Variants in SLC12A8 observed in about 807,000 individuals in gnomAD.
SLC12A8 encodes cation-chloride cotransporter 9.
Under a neutral mutation model 75.6 loss-of-function variants are expected in SLC12A8, and 69 were observed. That is an observed-to-expected ratio of 0.91 (90% CI 0.75 to 1.11). The LOEUF (loss-of-function observed/expected upper bound fraction) is 1.11, where lower values mean the gene tolerates loss of function less well. SLC12A8 is among the 50% of genes most tolerant of loss of function. SLC12A8 has a pLI of 0.00. For synonymous variants in SLC12A8, 365 were observed against 372.8 expected (o/e 0.98, Z 0.24); for missense variants, 877 against 896.7 (o/e 0.98, Z 0.28).
At position 125,112,340 on chromosome 3, in the gene SLC12A8, T is replaced by A. The variant is rs77095927; in HGVS notation, c.913-2005A>T. Among the ~76,000 whole-genome samples the A allele has an allele frequency of 1.9e-3, 291 of 152,324 alleles. 1 individual carries two copies. Among genetic ancestry groups the A allele is most frequent in the African/African-American group, 6.5e-3 (270 of 41,558 alleles). On this transcript the variant is annotated intron_variant, in intron 8 of 13. Coordinates refer to ENST00000469902, the MANE Select transcript of SLC12A8 (RefSeq NM_024628.6). Reference sequence around the variant, plus strand: ...TGTCCTGCCCACCCCACTCACCATTTTATTACTACAGGAAATCAATGTCAT... The same window carrying A: ...TGTCCTGCCCACCCCACTCACCATTATATTACTACAGGAAATCAATGTCAT...
At chr3:125,135,254 C>T (rs1187637377) in intron 6 of SLC12A8, among the ~76,000 whole-genome samples, 4 of 152,294 alleles carry the variant, frequency 2.6e-5, no homozygotes, top group South Asian at 2.1e-4. Context: ...AGGGAAGTTT[C>T]GATTCCAGGT....
intron 4 of SLC12A8, among the ~76,000 whole-genome samples, chr3:125,181,241 CAA>C (rs1209419092): frequency 2.0e-5 from 3 of 152,132 alleles, no homozygotes; most frequent in African/African-American, 7.2e-5. Flanking sequence ...TTCAAAAACT[CAA>C]GAGGCATAAC....
chr3:125,191,670 C>T (rs1001446911), intron 2 of SLC12A8, among the ~76,000 whole-genome samples: 36 of 152,312 alleles, frequency 2.4e-4, no homozygotes, highest in African/African-American at 7.0e-4. Context: ...ACAATGGGTG[C>T]GCCCAGGATC....
Position 125,083,647 on chromosome 3 carries a change from G to A in SLC12A8, c.*243C>T, listed in dbSNP as rs144134510. 786 of 380,306 alleles carry A rather than the reference G, an allele frequency of 2.1e-3. 11 individuals are homozygous for A. The East Asian group carries it at 0.036, about 17-fold the overall frequency. 23.6% of individuals were successfully genotyped at this position (380,306 alleles called of 1,614,324 possible). On this transcript the variant is annotated 3_prime_UTR_variant, in exon 14 of 14. Transcript: ENST00000469902. ...TGAGGCAGGAGAATTGCTTGAACTC[G>A]GGAAGCAGAGGTTGCAGTGAGCCAA...
At chr3:125,125,418 G>C (rs1043387599) in intron 6 of SLC12A8, among the ~76,000 whole-genome samples, 22 of 152,184 alleles carry the variant, frequency 1.4e-4, no homozygotes, top group African/African-American at 5.3e-4. Flanking sequence ...AATTAGCCAG[G>C]CATGGTGGCA....
chr3:125,099,342 T>C (rs1039979585), intron 10 of SLC12A8, among the ~76,000 whole-genome samples: 10 of 152,226 alleles, frequency 6.6e-5, no homozygotes, highest in Admixed American at 5.9e-4. Flanking sequence ...AACTCAGAAA[T>C]ATATATCAGA....
chr3:125,110,291 C>T lies in SLC12A8; in HGVS notation c.957G>A (p.Ser319=), dbSNP rs373589614. 58 of 1,613,848 alleles carry T rather than the reference C, an allele frequency of 3.6e-5. No homozygotes were observed. The highest frequency in any genetic ancestry group is 3.3e-4 in the Middle Eastern group (2 of 6,080). ...GTCCTCCCATGCAGGAAGCCAGGGA[C>T]GAGATGTATAAGCCCAAAAGGAACA... is the stretch of plus-strand genomic sequence containing the variant. ...GFLFLLGLYI[S]SLASCMGGLY... The change falls in exon 9 of 14, where the codon TCG becomes TCA. Residue 319 remains serine (S), a synonymous_variant. Transcript: ENST00000469902.
chr3:125,203,061 C>G (rs1220488030), intron 2 of SLC12A8, among the ~76,000 whole-genome samples: 1 of 132,678 alleles, frequency 7.5e-6, no homozygotes, highest in Non-Finnish European at 1.5e-5. Context: ...GCACTCTAGC[C>G]TGGGGGACAA....
At chr3:125,141,546 C>G (rs934553109) in intron 5 of SLC12A8, among the ~76,000 whole-genome samples, 2 of 152,232 alleles carry the variant, frequency 1.3e-5, no homozygotes, top group Non-Finnish European at 2.9e-5. Context: ...ATCCCCTCCC[C>G]CTACGCCGCT....
At chr3:125,181,443 T>C (rs1366890486) in intron 4 of SLC12A8, among the ~76,000 whole-genome samples, 1 of 145,112 alleles carries the variant, frequency 6.9e-6, no homozygotes, top group Non-Finnish European at 1.5e-5. Flanking sequence ...CTACTAAAAA[T>C]ACAAAAAATT....
intron 12 of SLC12A8, among the ~76,000 whole-genome samples, chr3:125,090,446 T>C (rs1307576500): frequency 2.6e-5 from 4 of 152,240 alleles, no homozygotes; most frequent in Non-Finnish European, 5.9e-5. Flanking sequence ...GGTTTGTTGA[T>C]AGTGTTATTC....
chr3:125,174,017 G>A (rs182262620), intron 5 of SLC12A8, among the ~76,000 whole-genome samples: 14 of 152,264 alleles, frequency 9.2e-5, no homozygotes, highest in African/African-American at 2.6e-4. Flanking sequence ...GCTTAAACCC[G>A]GGAGGCAGAG....
At position 125,120,599 on chromosome 3, in the gene SLC12A8, G is replaced by C; in HGVS notation, c.824C>G (p.Ser275Trp). 4 of 1,611,580 alleles carry C rather than the reference G, an allele frequency of 2.5e-6. No individual in the cohort carries two copies. The highest frequency in any genetic ancestry group is 2.5e-6 in the Non-Finnish European group (3 of 1,178,164). ...ACTGATTGCCATGAGGGGAACTTAC[G>C]AGATGCCAACAGCTGCCAGGGAGCC... ...PLGSLAAVGI[S>W]WFLYIIFVFL... Residue 275 changes from serine to tryptophan, a missense_variant and splice_region_variant, in exon 7 of 14, where the codon TCG (serine) becomes TGG (tryptophan). Physicochemically the swap from Ser to Trp is radical, Grantham distance 177 (BLOSUM62 -3). Coordinates refer to ENST00000469902, the MANE Select transcript of SLC12A8 (RefSeq NM_024628.6).
chr3:125,153,537 C>T (rs1427963406), intron 5 of SLC12A8, among the ~76,000 whole-genome samples: 1 of 152,228 alleles, frequency 6.6e-6, no homozygotes. Context: ...CTGGGAAGTA[C>T]AAGACAAATA....
intron 10 of SLC12A8, 82 bp downstream of exon 10, chr3:125,107,399 C>G (rs1939053992): frequency 1.5e-6 from 2 of 1,290,470 alleles, no homozygotes; most frequent in East Asian, 4.7e-5. Context: ...CCAGTTATAA[C>G]TGGTTCACAA....
At chr3:125,120,759 C>T (rs267599589) in intron 6 of SLC12A8, 73 bp from the exon 7 acceptor site, 1 of 1,151,152 alleles carries the variant, frequency 8.7e-7, no homozygotes. Flanking sequence ...GCTGCCCCTT[C>T]CTCTCCTGCG....
At chr3:125,132,702 C>G (rs1310862834) in intron 6 of SLC12A8, among the ~76,000 whole-genome samples, 6 of 152,148 alleles carry the variant, frequency 3.9e-5, no homozygotes, top group Non-Finnish European at 8.8e-5. Flanking sequence ...TGATGTGAAG[C>G]TTGGAAGAGA....
chr3:125,158,713 A>G (rs76347838), intron 5 of SLC12A8, among the ~76,000 whole-genome samples: 2,508 of 152,306 alleles, frequency 0.016, 63 homozygotes, highest in African/African-American at 0.057. Context: ...AGGCTCTTAC[A>G]GTCACTTTGG....
chr3:125,167,548 C>T (rs1934316312), intron 5 of SLC12A8, among the ~76,000 whole-genome samples: 1 of 152,138 alleles, frequency 6.6e-6, no homozygotes, highest in African/African-American at 2.4e-5. Flanking sequence ...TCTCCACGGG[C>T]CTTGGGCCTG....
Sources: gnomAD v4.1 joint callset for allele counts (sites outside exome capture counted in the v4.1 genomes callset) on GRCh38, gnomAD v4.1.1 for gene constraint, MANE v1.5 for transcripts, NCBI Gene and HGNC (gene_info 2026-07-23, HGNC 2026-07-21) for gene names.